Variants in COBLL1 observed in about 807,000 individuals in gnomAD.
The protein encoded by COBLL1 is cordon-bleu WH2 repeat protein like 1.
COBLL1 carries 50 observed loss-of-function variants against 94.8 expected under a neutral mutation model. The ratio of observed to expected loss-of-function variants is 0.53; its 90% CI spans 0.42 to 0.67. COBLL1 has a LOEUF of 0.67. Ranked by LOEUF, COBLL1 falls within the 30% of genes least tolerant of loss-of-function variation. The pLI is 0.00. For missense variants in COBLL1, 1,362 were observed against 1,348.7 expected (o/e 1.01, Z -0.15); for synonymous variants, 448 against 473.8 (o/e 0.95, Z 0.71).
At chr2:164,733,810 T>A (rs1191739587) in intron 3 of COBLL1, among the ~76,000 whole-genome samples, 1 of 152,202 alleles carries the variant, frequency 6.6e-6, no homozygotes, top group African/African-American at 2.4e-5. Flanking sequence ...TCTGCACTGA[T>A]GGAAACGTTC....
intron 7 of COBLL1, among the ~76,000 whole-genome samples, chr2:164,707,635 C>T (rs1684673304): frequency 6.6e-6 from 1 of 152,152 alleles, no homozygotes; most frequent in East Asian, 1.9e-4. Flanking sequence ...ATTTCACTCA[C>T]TGCTGTATGT....
At chr2:164,823,619 C>T (rs909196165) in intron 2 of COBLL1, among the ~76,000 whole-genome samples, 4 of 152,198 alleles carry the variant, frequency 2.6e-5, no homozygotes, top group Non-Finnish European at 5.9e-5. Context: ...TAATTATACA[C>T]GCAGACACCT....
At chr2:164,755,869 C>T (rs1056167614) in intron 2 of COBLL1, among the ~76,000 whole-genome samples, 2 of 152,178 alleles carry the variant, frequency 1.3e-5, no homozygotes, top group African/African-American at 4.8e-5. Context: ...AATCACTATG[C>T]TGTGCAAGGG....
chr2:164,727,959 T>A lies in COBLL1; in HGVS notation c.661+10A>T. On this transcript the variant is annotated intron_variant, in intron 5 of 13. Coordinates refer to ENST00000652658, the MANE Select transcript of COBLL1 (RefSeq NM_001365672.2). ...TCCCACTAAATAAATAAAATAAAAG[T>A]CTTACTTACCTCTGTTGACATCCAT... The A allele has an allele frequency of 6.5e-7, 1 of 1,535,076 alleles. No homozygotes were observed. The highest frequency in any genetic ancestry group is 9.0e-7 in the Non-Finnish European group (1 of 1,110,460).
chr2:164,691,629 C>T (rs1683597443), intron 13 of COBLL1, among the ~76,000 whole-genome samples: 1 of 152,156 alleles, frequency 6.6e-6, no homozygotes. Flanking sequence ...CCCTGTGACA[C>T]TTGGGTGTTT....
At chr2:164,830,784 C>T (rs1268187261) in intron 2 of COBLL1, among the ~76,000 whole-genome samples, 2 of 152,096 alleles carry the variant, frequency 1.3e-5, no homozygotes, top group African/African-American at 4.8e-5. Context: ...GTGAAGTAAA[C>T]TAGAAGGTGG....
intron 2 of COBLL1, among the ~76,000 whole-genome samples, chr2:164,660,893 C>A (rs1033569958): frequency 6.6e-6 from 1 of 152,020 alleles, no homozygotes; most frequent in Non-Finnish European, 1.5e-5. Context: ...GTGATTTAAA[C>A]CCTAATGGGA....
At chr2:164,826,510 G>A (rs1685433603) in intron 2 of COBLL1, among the ~76,000 whole-genome samples, 1 of 152,172 alleles carries the variant, frequency 6.6e-6, no homozygotes, top group Non-Finnish European at 1.5e-5. Flanking sequence ...CAAATGCCTG[G>A]CATATACTGG....
chr2:164,774,652 C>G (rs1168475661), intron 2 of COBLL1, among the ~76,000 whole-genome samples: 1 of 152,028 alleles, frequency 6.6e-6, no homozygotes, highest in Non-Finnish European at 1.5e-5. Context: ...CTGTGACTGG[C>G]ACTTGCTTTC....
At chr2:164,818,312 A>G (rs950005179) in intron 2 of COBLL1, among the ~76,000 whole-genome samples, 1 of 105,196 alleles carries the variant, frequency 9.5e-6, no homozygotes, top group African/African-American at 3.7e-5. Context: ...GTATACATAT[A>G]CACGTGTGTA....
chr2:164,829,730 G>T (rs1288548466), intron 2 of COBLL1, among the ~76,000 whole-genome samples: 1 of 152,134 alleles, frequency 6.6e-6, no homozygotes, highest in Non-Finnish European at 1.5e-5. Flanking sequence ...AGATTTTCCA[G>T]TTTTATTTTG....
intron 13 of COBLL1, among the ~76,000 whole-genome samples, chr2:164,689,105 C>G (rs75297654): frequency 2.0e-5 from 3 of 151,956 alleles, no homozygotes; most frequent in Non-Finnish European, 4.4e-5. Context: ...AGACTAATCT[C>G]TGTGACTACA....
chr2:164,726,192 G>C (rs1458289554), intron 5 of COBLL1, among the ~76,000 whole-genome samples: 1 of 152,148 alleles, frequency 6.6e-6, no homozygotes, highest in Non-Finnish European at 1.5e-5. Context: ...TGCAGATAGA[G>C]AGTGGCAAAA....
downstream of COBLL1, among the ~76,000 whole-genome samples, chr2:164,676,267 C>A (rs1044006530): frequency 2.6e-5 from 4 of 152,004 alleles, no homozygotes; most frequent in African/African-American, 7.3e-5. Flanking sequence ...TTTAATGGTA[C>A]TCCTTTCACT....
intron 2 of COBLL1, among the ~76,000 whole-genome samples, chr2:164,801,161 C>A (rs1683759993): frequency 6.6e-6 from 1 of 151,842 alleles, no homozygotes; most frequent in African/African-American, 2.4e-5. Flanking sequence ...TAGCTAAGGC[C>A]GGGCGCGGTG....
chr2:164,710,566 CT>C (rs11307875), intron 7 of COBLL1, among the ~76,000 whole-genome samples: 88,585 of 142,190 alleles, frequency 0.62, 28,228 homozygotes, highest in African/African-American at 0.83. Flanking sequence ...CAGCAGCATT[CT>C]TTTTTTTTTT....
intron 2 of COBLL1, among the ~76,000 whole-genome samples, chr2:164,804,570 C>T (rs911922287): frequency 1.3e-5 from 2 of 152,062 alleles, no homozygotes; most frequent in Non-Finnish European, 2.9e-5. Context: ...CAGATCTGAT[C>T]GTTTCTTATA....
chr2:164,824,910 A>G (rs1378338403), intron 2 of COBLL1, among the ~76,000 whole-genome samples: 3 of 152,170 alleles, frequency 2.0e-5, no homozygotes, highest in African/African-American at 7.2e-5. Context: ...GCCAGTCTAC[A>G]AGTTGTCTAT....
intron 2 of COBLL1, among the ~76,000 whole-genome samples, chr2:164,777,370 AAGAC>A (rs567670985): frequency 6.8e-4 from 103 of 151,846 alleles, no homozygotes; most frequent in African/African-American, 2.4e-3. Flanking sequence ...ATTACTGTTA[AAGAC>A]AGACAGAATG....
Sources: allele counts gnomAD v4.1 joint callset (sites outside exome capture counted in the v4.1 genomes callset), GRCh38; gene constraint gnomAD v4.1.1; transcripts MANE v1.5; gene names NCBI Gene and HGNC (gene_info 2026-07-23, HGNC 2026-07-21).